The following ARB2A variants were observed in gnomAD, a reference collection of about 807,000 sequenced individuals.
The protein encoded by ARB2A is ARB2 cotranscriptional regulator A.
the ARB2A span, among the ~76,000 whole-genome samples, chr5:93,726,189 A>G: frequency 3.9e-5 from 6 of 152,068 alleles, no homozygotes; most frequent in Non-Finnish European, 8.8e-5. Context: ...TGTGGCCTGT[A>G]TATTAAATTT....
the ARB2A span, among the ~76,000 whole-genome samples, chr5:93,747,550 A>G: frequency 2.0e-5 from 3 of 152,206 alleles, no homozygotes; most frequent in African/African-American, 7.2e-5. Flanking sequence ...AAACCTGACA[A>G]ATAATCAGAC....
the ARB2A span, among the ~76,000 whole-genome samples, chr5:93,681,216 C>T: frequency 9.0e-4 from 137 of 152,258 alleles, no homozygotes; most frequent in Middle Eastern, 6.8e-3. Context: ...GAAACACGAG[C>T]TCCAGACTGT....
chr5:93,900,975 G>A, the ARB2A span, among the ~76,000 whole-genome samples: 1 of 152,128 alleles, frequency 6.6e-6, no homozygotes, highest in African/African-American at 2.4e-5. Context: ...TTAGGTTTAT[G>A]TCATATTCCA....
At chr5:93,690,465 C>T in the ARB2A span, among the ~76,000 whole-genome samples, 10 of 152,140 alleles carry the variant, frequency 6.6e-5, no homozygotes, top group Non-Finnish European at 1.3e-4. Context: ...GAGACCACCA[C>T]AGCTTAGCAA....
the ARB2A span, chr5:93,862,615 AGTGTGT>A: frequency 6.6e-6 from 1 of 151,610 alleles, no homozygotes; most frequent in Non-Finnish European, 1.5e-5. Flanking sequence ...TGTGATTACT[AGTGTGT>A]GTGTGTGTTT....
the ARB2A span, among the ~76,000 whole-genome samples, chr5:93,955,717 T>C: frequency 6.6e-6 from 1 of 152,220 alleles, no homozygotes; most frequent in African/African-American, 2.4e-5. Flanking sequence ...TTTCCCCTTA[T>C]AGCTAGAGCC....
At chr5:93,858,117 C>T in the ARB2A span, among the ~76,000 whole-genome samples, 2 of 152,174 alleles carry the variant, frequency 1.3e-5, no homozygotes, top group African/African-American at 2.4e-5. Flanking sequence ...AGAATCGTCT[C>T]CTGGTAGAGT....
the ARB2A span, chr5:93,776,028 A>G: frequency 2.7e-6 from 2 of 733,872 alleles, no homozygotes; most frequent in Non-Finnish European, 2.3e-6. Context: ...CATGCATAAC[A>G]TTACCAATAA....
chr5:94,053,522 T>G, the ARB2A span, among the ~76,000 whole-genome samples: 5 of 152,224 alleles, frequency 3.3e-5, no homozygotes, highest in African/African-American at 1.2e-4. Context: ...CTTATTAACC[T>G]CATTTAAAAG....
At chr5:94,101,657 G>A in the ARB2A span, among the ~76,000 whole-genome samples, 2 of 152,108 alleles carry the variant, frequency 1.3e-5, no homozygotes, top group African/African-American at 4.8e-5. Context: ...TGAAGCTGAA[G>A]GCTATCATCC....
the ARB2A span, among the ~76,000 whole-genome samples, chr5:93,890,770 A>G: frequency 6.6e-6 from 1 of 152,116 alleles, no homozygotes; most frequent in African/African-American, 2.4e-5. Context: ...GAATGTGAAG[A>G]GGCGTCTTTA....
At chr5:93,677,174 A>C in the ARB2A span, among the ~76,000 whole-genome samples, 2 of 152,260 alleles carry the variant, frequency 1.3e-5, no homozygotes, top group Non-Finnish European at 2.9e-5. Flanking sequence ...TCTAAAAGAT[A>C]AAAGTTAAAA....
the ARB2A span, among the ~76,000 whole-genome samples, chr5:93,888,915 C>A: frequency 8.6e-5 from 13 of 151,678 alleles, no homozygotes; most frequent in African/African-American, 2.9e-4. Flanking sequence ...CGATTTCATA[C>A]AACAAACATT....
the ARB2A span, chr5:93,734,011 T>C: frequency 6.6e-6 from 1 of 152,188 alleles, no homozygotes; most frequent in Non-Finnish European, 1.5e-5. Flanking sequence ...AACAAGGATA[T>C]ACAGTATATC....
At chr5:93,862,023 A>G in the ARB2A span, 5 of 152,242 alleles carry the variant, frequency 3.3e-5, no homozygotes, top group Admixed American at 3.3e-4. Context: ...TTGAATAAAG[A>G]CAGGTAAAAA....
the ARB2A span, among the ~76,000 whole-genome samples, chr5:93,815,369 T>C: frequency 6.6e-6 from 1 of 152,184 alleles, no homozygotes; most frequent in Non-Finnish European, 1.5e-5. Flanking sequence ...GTTAGACCCA[T>C]AGTGAACATT....
the ARB2A span, among the ~76,000 whole-genome samples, chr5:93,939,036 G>A: frequency 3.9e-5 from 6 of 152,098 alleles, no homozygotes; most frequent in Non-Finnish European, 5.9e-5. Context: ...TGCTTCTCTG[G>A]ATAAATGTTC....
chr5:93,874,910 A>G, the ARB2A span, among the ~76,000 whole-genome samples: 2 of 152,210 alleles, frequency 1.3e-5, no homozygotes, highest in Non-Finnish European at 2.9e-5. Context: ...TTGAGTCTCA[A>G]CTTGAGAAAT....
At chr5:93,781,329 G>T in the ARB2A span, among the ~76,000 whole-genome samples, 1 of 152,092 alleles carries the variant, frequency 6.6e-6, no homozygotes, top group Non-Finnish European at 1.5e-5. Context: ...CCATGTTGCT[G>T]TAAGATATAA....
Sources: allele counts gnomAD v4.1 joint callset (sites outside exome capture counted in the v4.1 genomes callset), GRCh38; gene constraint gnomAD v4.1.1; transcripts MANE v1.5; gene names NCBI Gene and HGNC (gene_info 2026-07-23, HGNC 2026-07-21).